Variants in NT5M observed in about 807,000 individuals in gnomAD.
The protein encoded by NT5M is 5',3'-nucleotidase, mitochondrial, also known as 5'(3')-deoxyribonucleotidase, mitochondrial.
In NT5M, 22 loss-of-function variants were observed where a neutral mutation model predicts 22.2. The ratio of observed to expected loss-of-function variants is 0.99; its 90% CI spans 0.71 to 1.41. The LOEUF (loss-of-function observed/expected upper bound fraction) is 1.41. Among genes scored for constraint, NT5M ranks in the 40% most tolerant of loss-of-function variants. The pLI, the probability that NT5M is intolerant of heterozygous loss-of-function variation, is 0.00. For missense variants in NT5M, 322 were observed against 314.8 expected (o/e 1.02, Z -0.17); for synonymous variants, 167 against 133.0 (o/e 1.26, Z -1.76).
intron 3 of NT5M, among the ~76,000 whole-genome samples, chr17:17,329,564 A>G (rs1007389296): frequency 5.9e-5 from 9 of 152,198 alleles, no homozygotes; most frequent in Admixed American, 2.0e-4. Context: ...AGTAATCACA[A>G]GCCAAATTAA....
intron 2 of NT5M, among the ~76,000 whole-genome samples, chr17:17,322,699 G>A (rs1041440907): frequency 7.3e-6 from 1 of 136,822 alleles, no homozygotes; most frequent in African/African-American, 2.5e-5. Flanking sequence ...GAGGGCGCAG[G>A]CACCTGGGAG....
chr17:17,312,849 T>C (rs1262872358), intron 2 of NT5M, among the ~76,000 whole-genome samples: 1 of 152,032 alleles, frequency 6.6e-6, no homozygotes, highest in East Asian at 1.9e-4. Flanking sequence ...GACCTGTCCC[T>C]ATAGTCCTAG....
rs547254971 is a variant in NT5M at position 17,340,913 on chromosome 17, G to T, written c.430-3881G>T. ...CTTTTTTTATTTTTTTTAAATTCAG[G>T]CCCCCACAGAAGCATTTTCTTCTTT... On this transcript the variant is annotated intron_variant, in intron 3 of 4. Coordinates refer to ENST00000389022, the MANE Select transcript of NT5M (RefSeq NM_020201.4). Among the ~76,000 whole-genome samples, 14 of 151,622 alleles carry T rather than the reference G, an allele frequency of 9.2e-5. No homozygotes were observed. The East Asian group carries it at 2.5e-3, about 27-fold the overall frequency.
intron 4 of NT5M, 94 bp downstream of exon 4, chr17:17,345,002 C>A: frequency 1.3e-6 from 2 of 1,535,184 alleles, no homozygotes; most frequent in Non-Finnish European, 1.8e-6. Flanking sequence ...CTTCCTGCCC[C>A]ACTTAGTCAC....
intron 2 of NT5M, among the ~76,000 whole-genome samples, chr17:17,314,517 G>A (rs756552770): frequency 2.2e-4 from 33 of 152,110 alleles, no homozygotes; most frequent in Admixed American, 2.0e-4. Context: ...TTTACAAATT[G>A]ATATGCTCCA....
intron 4 of NT5M, among the ~76,000 whole-genome samples, chr17:17,345,939 C>A (rs1362427781): frequency 6.6e-6 from 1 of 152,250 alleles, no homozygotes; most frequent in Non-Finnish European, 1.5e-5. Context: ...AGTGTTGTTT[C>A]TTTGCCTCTT....
At chr17:17,312,536 C>T (rs569486818) in intron 2 of NT5M, among the ~76,000 whole-genome samples, 1 of 149,584 alleles carries the variant, frequency 6.7e-6, no homozygotes, top group South Asian at 2.1e-4. Context: ...CCCAGCTACT[C>T]GGGAGGCTGA....
At chr17:17,332,803 C>A (rs1181042336) in intron 3 of NT5M, among the ~76,000 whole-genome samples, 1 of 152,152 alleles carries the variant, frequency 6.6e-6, no homozygotes, top group East Asian at 1.9e-4. Flanking sequence ...ACTCAGAGCC[C>A]ATAGTTTACA....
intron 3 of NT5M, among the ~76,000 whole-genome samples, chr17:17,343,661 C>T (rs929880820): frequency 3.9e-5 from 6 of 152,152 alleles, no homozygotes; most frequent in Admixed American, 6.5e-5. Context: ...TGGCAGAGCC[C>T]TGAGCTCCCT....
intron 3 of NT5M, among the ~76,000 whole-genome samples, chr17:17,336,946 G>C (rs577652667): frequency 1.3e-5 from 2 of 152,136 alleles, no homozygotes; most frequent in Non-Finnish European, 2.9e-5. Flanking sequence ...GAATAGTGCT[G>C]CAATAAACAT....
intron 2 of NT5M, among the ~76,000 whole-genome samples, chr17:17,319,518 A>G (rs1248712552): frequency 6.6e-6 from 1 of 152,242 alleles, no homozygotes; most frequent in Admixed American, 6.5e-5. Context: ...AACTATTGAT[A>G]CATTTATTTA....
rs1378375558 is a variant in NT5M at position 17,303,517 on chromosome 17, T to C, written c.-34T>C. 1 of 1,029,024 alleles carries C rather than the reference T, an allele frequency of 9.7e-7. No individual in the cohort carries two copies. Among genetic ancestry groups the C allele is most frequent in the Non-Finnish European group, 1.2e-6 (1 of 859,806 alleles). The allele number at this position is 1,029,024 out of a possible 1,614,324, so 63.7% of individuals were successfully genotyped here. ...CTCCGGCAGCACGGCGCGGCCCAGG[T>C]CCCCGCGCCCACGACGGGCCAGCGC... On this transcript the variant is annotated 5_prime_UTR_variant, in exon 1 of 5. Transcript: ENST00000389022.
At chr17:17,329,101 C>A (rs2049323208) in intron 3 of NT5M, among the ~76,000 whole-genome samples, 1 of 152,150 alleles carries the variant, frequency 6.6e-6, no homozygotes, top group Non-Finnish European at 1.5e-5. Context: ...CCTCAGCCTC[C>A]CGAGTAGCTG....
rs1433759499 is a variant in NT5M, at chr17:17,342,367, C to T, written c.430-2427C>T. Reference sequence around the variant, plus strand: ...ACTATCGTGGCACATCATTTTCCCACGCAAACCCTTTCTGCAGAGCAGCTC... The same window carrying T: ...ACTATCGTGGCACATCATTTTCCCATGCAAACCCTTTCTGCAGAGCAGCTC... On this transcript the variant is annotated intron_variant, in intron 3 of 4. Coordinates refer to ENST00000389022, the MANE Select transcript of NT5M (RefSeq NM_020201.4). Among the ~76,000 whole-genome samples, 8 of 152,134 alleles carry T rather than the reference C, an allele frequency of 5.3e-5. 1 individual carries two copies. The highest frequency in any genetic ancestry group is 3.3e-4 in the Admixed American group (5 of 15,276).
chr17:17,306,569 A>G lies in NT5M; in HGVS notation c.294A>G (p.Ser98=). The G allele has an allele frequency of 6.2e-7, 1 of 1,614,042 alleles. No homozygotes were observed. Residue 98 remains serine, a synonymous_variant, in exon 2 of 5, where the codon TCA becomes TCG. Coordinates refer to ENST00000389022, the MANE Select transcript of NT5M (RefSeq NM_020201.4). The part of the protein sequence containing the change: ...LSEKAISIWE[S]KNFFFELEPL... ...AGAAGGCCATCAGCATTTGGGAGTCAAAGAATTTCTTTTTTGAACTTGAGC... is the reference window on the plus strand; with the variant it reads ...AGAAGGCCATCAGCATTTGGGAGTCGAAGAATTTCTTTTTTGAACTTGAGC...
intron 2 of NT5M, among the ~76,000 whole-genome samples, chr17:17,313,868 C>T (rs1427297264): frequency 6.6e-6 from 1 of 152,130 alleles, no homozygotes; most frequent in African/African-American, 2.4e-5. Context: ...GTTGAGCAGA[C>T]GCCCAGGGGA....
Position 17,324,757 on chromosome 17 carries a change from C to T in NT5M, c.429+1512C>T, listed in dbSNP as rs552325739. The stretch of plus-strand genomic sequence containing the variant: ...GTGCCATCCCAGCTCACTGCAGCCT[C>T]GAACTCCTGGGCTCAAGTGATCCTC... On this transcript the variant is annotated intron_variant, in intron 3 of 4. Transcript: ENST00000389022. Among the ~76,000 whole-genome samples the T allele has an allele frequency of 5.7e-4, 87 of 152,230 alleles. 1 individual carries two copies. The highest frequency in any genetic ancestry group is 1.1e-3 in the Non-Finnish European group (75 of 68,018).
At chr17:17,335,685 T>C (rs1249273486) in intron 3 of NT5M, among the ~76,000 whole-genome samples, 1 of 151,792 alleles carries the variant, frequency 6.6e-6, no homozygotes, top group Non-Finnish European at 1.5e-5. Context: ...CAGGCTGGAG[T>C]GCAGTGGCGC....
rs766122780 is a variant in NT5M at position 17,323,165 on chromosome 17, C to T, written c.369-20C>T. On this transcript the variant is annotated intron_variant, in intron 2 of 4. Coordinates refer to ENST00000389022, the MANE Select transcript of NT5M (RefSeq NM_020201.4). The stretch of plus-strand genomic sequence containing the variant: ...GAAGTCATGGGGCTGCAGGCTCAAC[C>T]TCCTTTCTCTTGTTGACAGCACTGA... 1.2e-6 allele frequency: 2 copies of T among 1,612,150 alleles called. No individual in the cohort carries two copies. Among genetic ancestry groups the T allele is most frequent in the Admixed American group, 3.3e-5 (2 of 60,000 alleles).
Sources: gnomAD v4.1 joint callset for allele counts (sites outside exome capture counted in the v4.1 genomes callset) on GRCh38, gnomAD v4.1.1 for gene constraint, MANE v1.5 for transcripts, NCBI Gene and HGNC (gene_info 2026-07-23, HGNC 2026-07-21) for gene names.